Variants in ARHGAP6 observed in about 807,000 individuals in gnomAD.
ARHGAP6 encodes rho GTPase-activating protein 6.
ARHGAP6 carries 16 observed loss-of-function variants against 55.7 expected under a neutral mutation model. That is an observed-to-expected ratio of 0.29 (90% CI 0.19 to 0.44). The LOEUF is 0.44. Among genes scored for constraint, ARHGAP6 ranks in the 20% least tolerant of loss-of-function variants. ARHGAP6 has a pLI of 1.00. For synonymous variants in ARHGAP6, 382 were observed against 360.9 expected, an observed-to-expected ratio of 1.06 and a Z score of -0.66; for missense variants, 698 against 808.9, an observed-to-expected ratio of 0.86 and a Z score of 1.66.
chrX:11,169,585 T>G lies in ARHGAP6; in HGVS notation c.1729A>C (p.Ser577Arg). 1 of 1,209,430 alleles carries G rather than the reference T, an allele frequency of 8.3e-7. No homozygotes were observed. The highest frequency in any genetic ancestry group is 1.1e-6 in the Non-Finnish European group (1 of 894,564). ...GTGCTCTCCTCAGCCCGGGCTGAAC[T>G]CTGAACTGAGAATTCTTTGTCTGAT... is the stretch of plus-strand genomic sequence containing the variant. ...KSSDKEFSVQ[S>R]SARAEESTAI... is the part of the protein sequence containing the mutation. Residue 577 changes from serine to arginine, a missense_variant, in exon 9 of 13, where the codon AGT becomes CGT. By Grantham distance (110) the Ser-to-Arg change is moderately radical. Around this residue, in one of 3 missense-constraint regions of ARHGAP6, gnomAD observed 322 missense variants for 451.1 expected, o/e 0.71. Transcript: ENST00000337414.
chrX:11,251,132 G>A (rs1020808401), intron 2 of ARHGAP6, among the ~76,000 whole-genome samples: 18 of 111,440 alleles, frequency 1.6e-4, no homozygotes, highest in African/African-American at 5.2e-4. Context: ...TTGCTGGCCC[G>A]TTAGCTGCCC....
At chrX:11,261,494 AAATG>A (rs2047560661) in intron 1 of ARHGAP6, among the ~76,000 whole-genome samples, 2 of 112,037 alleles carry the variant, frequency 1.8e-5, no homozygotes, top group African/African-American at 6.5e-5. Context: ...TTTATCTTAT[AAATG>A]AATGACTCAT....
chrX:11,530,914 C>A (rs1358139874), intron 1 of ARHGAP6, among the ~76,000 whole-genome samples: 1 of 111,461 alleles, frequency 9.0e-6, no homozygotes. Context: ...TAGACTGTCA[C>A]TTTGCAGTTC....
intron 1 of ARHGAP6, among the ~76,000 whole-genome samples, chrX:11,492,085 A>T (rs996862743): frequency 1.9e-5 from 2 of 107,830 alleles, no homozygotes; most frequent in African/African-American, 6.9e-5. Context: ...AATTTGTTTG[A>T]GTTCATTGTA....
intron 2 of ARHGAP6, among the ~76,000 whole-genome samples, chrX:11,217,428 C>G (rs2046898386): frequency 8.9e-6 from 1 of 112,218 alleles, no homozygotes; most frequent in Non-Finnish European, 1.9e-5. Flanking sequence ...GAAATGGTAT[C>G]TCATTGTGGT....
At chrX:11,482,467 A>T (rs948197453) in intron 1 of ARHGAP6, among the ~76,000 whole-genome samples, 1 of 111,156 alleles carries the variant, frequency 9.0e-6, no homozygotes, top group Non-Finnish European at 1.9e-5. Flanking sequence ...AGGGCTGATG[A>T]GTTGGTGTCC....
At chrX:11,344,099 A>G (rs2048740234) in intron 1 of ARHGAP6, among the ~76,000 whole-genome samples, 1 of 111,752 alleles carries the variant, frequency 8.9e-6, no homozygotes, top group Admixed American at 9.5e-5. Context: ...TATGGCTTAG[A>G]GTCAGAGGGA....
intron 1 of ARHGAP6, among the ~76,000 whole-genome samples, chrX:11,496,449 G>A (rs1346899920): frequency 9.0e-6 from 1 of 111,478 alleles, no homozygotes. Flanking sequence ...TCTAAAAAAA[G>A]CTGTGTGTTA....
At chrX:11,459,960 T>A (rs925698269) in intron 1 of ARHGAP6, among the ~76,000 whole-genome samples, 2 of 111,990 alleles carry the variant, frequency 1.8e-5, no homozygotes, top group South Asian at 3.7e-4. Context: ...TCACTGCTTT[T>A]GATAGGCAGA....
intron 3 of ARHGAP6, among the ~76,000 whole-genome samples, chrX:11,195,449 TC>T (rs2147358777): frequency 9.0e-6 from 1 of 110,923 alleles, no homozygotes; most frequent in East Asian, 2.8e-4. Context: ...CATAAATACC[TC>T]AGAGAGTGGC....
intron 1 of ARHGAP6, among the ~76,000 whole-genome samples, chrX:11,652,157 C>G (rs1001782980): frequency 4.1e-4 from 46 of 112,224 alleles, no homozygotes; most frequent in African/African-American, 1.5e-3. Flanking sequence ...TCAATTTTTG[C>G]TTTTGTTGCA....
chrX:11,500,703 C>CT (rs1205310892), intron 1 of ARHGAP6, among the ~76,000 whole-genome samples: 3 of 105,939 alleles, frequency 2.8e-5, no homozygotes, highest in Non-Finnish European at 5.8e-5. Flanking sequence ...AAAGAGAAAC[C>CT]TTTTTTTCAA....
intron 1 of ARHGAP6, among the ~76,000 whole-genome samples, chrX:11,514,991 C>T (rs758589566): frequency 2.7e-5 from 3 of 111,399 alleles, no homozygotes; most frequent in East Asian, 2.8e-4. Flanking sequence ...TGGTCTAATA[C>T]GGGATGAAAA....
intron 1 of ARHGAP6, among the ~76,000 whole-genome samples, chrX:11,430,668 A>G (rs1245351476): frequency 1.8e-5 from 2 of 112,638 alleles, no homozygotes; most frequent in Non-Finnish European, 3.8e-5. Flanking sequence ...TCTTATTTGC[A>G]TATCTCTACT....
intron 1 of ARHGAP6, among the ~76,000 whole-genome samples, chrX:11,593,934 G>A (rs2051870345): frequency 8.9e-6 from 1 of 112,016 alleles, no homozygotes; most frequent in African/African-American, 3.2e-5. Context: ...ATTCCAAAAT[G>A]GTGGAAACAG....
At chrX:11,430,023 G>A (rs547994630) in intron 1 of ARHGAP6, among the ~76,000 whole-genome samples, 1 of 110,579 alleles carries the variant, frequency 9.0e-6, no homozygotes, top group African/African-American at 3.3e-5. Flanking sequence ...CTTCCATCAC[G>A]CTTGCCTTTA....
At chrX:11,435,858 A>G (rs2147792963) in intron 1 of ARHGAP6, among the ~76,000 whole-genome samples, 1 of 112,268 alleles carries the variant, frequency 8.9e-6, no homozygotes, top group East Asian at 2.8e-4. Context: ...CCAGTTCAGC[A>G]CAACCCAGAG....
At chrX:11,558,695 G>C (rs2051347909) in intron 1 of ARHGAP6, among the ~76,000 whole-genome samples, 1 of 107,516 alleles carries the variant, frequency 9.3e-6, no homozygotes, top group Admixed American at 1.0e-4. Flanking sequence ...AATTAGCTGG[G>C]AGTAGTGGTG....
chrX:11,590,875 AAAG>A (rs1348812079), intron 1 of ARHGAP6, among the ~76,000 whole-genome samples: 1 of 76,786 alleles, frequency 1.3e-5, no homozygotes, highest in Non-Finnish European at 2.6e-5. Flanking sequence ...AGAAGGAAAG[AAAG>A]AAAGAAAGAA....
Sources: allele counts gnomAD v4.1 joint callset (sites outside exome capture counted in the v4.1 genomes callset), GRCh38; gene constraint gnomAD v4.1.1; regional missense constraint gnomAD v4.1.1; transcripts MANE v1.5; gene names NCBI Gene and HGNC (gene_info 2026-07-23, HGNC 2026-07-21).